Variants in CPQ observed in about 807,000 individuals in gnomAD.
CPQ encodes carboxypeptidase Q.
In CPQ, 37 loss-of-function variants were observed where a neutral mutation model predicts 45.7. That is an observed-to-expected ratio of 0.81 (90% CI 0.62 to 1.07). The LOEUF is 1.07. Ranked by LOEUF, CPQ falls within the 50% of genes least tolerant of loss-of-function variation. The pLI, the probability that CPQ is intolerant of heterozygous loss-of-function variation, is 0.00. For synonymous variants in CPQ, 186 were observed against 205.8 expected, an observed-to-expected ratio of 0.90 and a Z score of 0.82; for missense variants, 537 against 572.9, an observed-to-expected ratio of 0.94 and a Z score of 0.64.
intron 1 of CPQ, among the ~76,000 whole-genome samples, chr8:96,768,439 G>C (rs1810496947): frequency 6.6e-6 from 1 of 152,174 alleles, no homozygotes; most frequent in Non-Finnish European, 1.5e-5. Flanking sequence ...TATTGCAGGG[G>C]AGAGCACACA....
chr8:97,084,554 C>T (rs951594466), intron 7 of CPQ, among the ~76,000 whole-genome samples: 11 of 152,156 alleles, frequency 7.2e-5, no homozygotes, highest in African/African-American at 2.7e-4. Context: ...AAAGCATGTG[C>T]TAAGTGGAAG....
chr8:96,815,899 T>C (rs982721100), intron 2 of CPQ, among the ~76,000 whole-genome samples: 5 of 152,188 alleles, frequency 3.3e-5, no homozygotes, highest in African/African-American at 1.2e-4. Flanking sequence ...ACTATTAATA[T>C]ATTGCTAAAA....
chr8:96,870,663 A>G (rs1446553299), intron 3 of CPQ, among the ~76,000 whole-genome samples: 3 of 151,990 alleles, frequency 2.0e-5, no homozygotes, highest in Non-Finnish European at 4.4e-5. Flanking sequence ...ACAGGGTTGT[A>G]ATAACTGGTA....
At chr8:96,945,726 A>G (rs1813180259) in intron 4 of CPQ, among the ~76,000 whole-genome samples, 1 of 152,184 alleles carries the variant, frequency 6.6e-6, no homozygotes, top group South Asian at 2.1e-4. Flanking sequence ...ATTTCTTACT[A>G]AAACAAAACC....
chr8:97,040,635 T>C (rs1382744481), intron 6 of CPQ, among the ~76,000 whole-genome samples: 37 of 152,266 alleles, frequency 2.4e-4, no homozygotes, highest in Admixed American at 2.4e-3. Flanking sequence ...TTTAAGTCTT[T>C]AATCCATCTT....
chr8:96,670,004 C>T (rs572431833), intron 1 of CPQ, among the ~76,000 whole-genome samples: 3 of 152,298 alleles, frequency 2.0e-5, no homozygotes, highest in East Asian at 3.9e-4. Context: ...TATATATTAT[C>T]GATTCATTAA....
chr8:96,826,347 A>G (rs1811378377), intron 2 of CPQ, among the ~76,000 whole-genome samples: 1 of 152,004 alleles, frequency 6.6e-6, no homozygotes, highest in African/African-American at 2.4e-5. Context: ...ATTGTGAAAA[A>G]CTTTGATAGA....
intron 5 of CPQ, among the ~76,000 whole-genome samples, chr8:96,995,483 A>C (rs1222283504): frequency 6.6e-6 from 1 of 151,942 alleles, no homozygotes; most frequent in African/African-American, 2.4e-5. Flanking sequence ...GATTGCTAGA[A>C]GAGTAAACAG....
At chr8:96,767,854 G>A (rs1423814434) in intron 1 of CPQ, among the ~76,000 whole-genome samples, 1 of 151,846 alleles carries the variant, frequency 6.6e-6, no homozygotes, top group Non-Finnish European at 1.5e-5. Context: ...ATGTTGGCCA[G>A]GCTGGTCTCG....
At chr8:97,081,751 T>C (rs1810953708) in intron 7 of CPQ, among the ~76,000 whole-genome samples, 1 of 152,118 alleles carries the variant, frequency 6.6e-6, no homozygotes, top group African/African-American at 2.4e-5. Flanking sequence ...CAGCCAGAAT[T>C]GAGAACCACT....
At chr8:96,943,838 C>T (rs967965441) in intron 4 of CPQ, among the ~76,000 whole-genome samples, 10 of 152,182 alleles carry the variant, frequency 6.6e-5, no homozygotes, top group Middle Eastern at 3.4e-3. Context: ...GGACTCTTAT[C>T]GTCACTCAGG....
intron 1 of CPQ, among the ~76,000 whole-genome samples, chr8:96,674,878 G>T (rs1444820839): frequency 6.6e-6 from 1 of 152,110 alleles, no homozygotes; most frequent in Non-Finnish European, 1.5e-5. Flanking sequence ...TTTTTGAAAA[G>T]AGTTAGTGTT....
intron 1 of CPQ, among the ~76,000 whole-genome samples, chr8:96,778,021 C>A (rs896413729): frequency 2.6e-5 from 4 of 150,964 alleles, no homozygotes; most frequent in African/African-American, 9.7e-5. Context: ...AGCCACCGTG[C>A]CCGGCCAGGA....
intron 1 of CPQ, among the ~76,000 whole-genome samples, chr8:96,742,996 G>A (rs1810117405): frequency 6.6e-6 from 1 of 152,106 alleles, no homozygotes; most frequent in African/African-American, 2.4e-5. Context: ...GGTGTTCTCT[G>A]TATTTCCTGA....
At chr8:96,945,201 G>A (rs1163870431) in intron 4 of CPQ, among the ~76,000 whole-genome samples, 1 of 152,218 alleles carries the variant, frequency 6.6e-6, no homozygotes, top group Non-Finnish European at 1.5e-5. Context: ...TGGAGATCAT[G>A]GTTGCTGTTC....
At position 96,784,938 on chromosome 8, in the gene CPQ, T is replaced by G. The variant is rs959156328; in HGVS notation, c.41T>G (p.Leu14Arg). 5.6e-6 allele frequency: 9 copies of G among 1,613,602 alleles called. No homozygotes were observed. The highest frequency in any genetic ancestry group is 1.7e-5 in the Admixed American group (1 of 59,952). The change falls in exon 2 of 8, where the codon CTT becomes CGT. Residue 14 changes from leucine to arginine, a missense_variant. Physicochemically the swap from Leu to Arg is moderately radical, Grantham distance 102. Transcript: ENST00000220763. ...TTCGCATTTTTCGGTGGTGTTCACC[T>G]TTTATCCCTGTGCTCTGGGAAAGCT... is the stretch of plus-strand genomic sequence containing the variant. ...LIFAFFGGVH[L>R]LSLCSGKAIC... is the part of the protein sequence containing the mutation.
At chr8:96,708,350 T>G (rs190658050) in intron 1 of CPQ, among the ~76,000 whole-genome samples, 98 of 152,094 alleles carry the variant, frequency 6.4e-4, no homozygotes, top group African/African-American at 2.2e-3. Flanking sequence ...TATTTTTGTG[T>G]GGGCCATTAT....
chr8:96,918,267 T>A (rs1186990366), intron 4 of CPQ, among the ~76,000 whole-genome samples: 1 of 152,160 alleles, frequency 6.6e-6, no homozygotes, highest in Non-Finnish European at 1.5e-5. Flanking sequence ...GAGATATCAA[T>A]TTTAAACATT....
At chr8:96,814,426 A>AT (rs1202623039) in intron 2 of CPQ, among the ~76,000 whole-genome samples, 2 of 152,192 alleles carry the variant, frequency 1.3e-5, no homozygotes, top group Non-Finnish European at 2.9e-5. Context: ...CTCTGGATGG[A>AT]TGGAGGCTCC....
Sources: gnomAD v4.1 joint callset for allele counts (sites outside exome capture counted in the v4.1 genomes callset) on GRCh38, gnomAD v4.1.1 for gene constraint, MANE v1.5 for transcripts, NCBI Gene and HGNC (gene_info 2026-07-23, HGNC 2026-07-21) for gene names.